The following EYS variants were observed in gnomAD, a reference collection of about 807,000 sequenced individuals.
EYS encodes the protein EGF-like photoreceptor maintenance factor.
A neutral mutation model predicts 282.1 loss-of-function variants in EYS; 250 were observed. The ratio of observed to expected loss-of-function variants is 0.89; its 90% confidence interval spans 0.80 to 0.98. The LOEUF is 0.98. Ranked by LOEUF, EYS falls within the 50% of genes least tolerant of loss-of-function variation. The pLI, the probability that EYS is intolerant of heterozygous loss-of-function variation, is 0.00. For synonymous variants in EYS, 1,355 were observed against 1,282.9 expected, an observed-to-expected ratio of 1.06 and a Z score of -1.20; for missense variants, 4,016 against 3,709.0, an observed-to-expected ratio of 1.08 and a Z score of -2.15.
intron 41 of EYS, among the ~76,000 whole-genome samples, chr6:63,753,142 A>C (rs201867599): frequency 2.5e-4 from 2 of 8,150 alleles, no homozygotes; most frequent in South Asian, 5.6e-3. Flanking sequence ...GTGTGTGTGT[A>C]TATATATATA....
In EYS at chr6:65,367,065, A is replaced by G. The variant is rs188859697; in HGVS notation, c.1300-13448T>C. Among the ~76,000 whole-genome samples, 106 of 151,768 alleles carry G rather than the reference A, an allele frequency of 7.0e-4. 1 individual carries two copies. The highest frequency in any genetic ancestry group is 2.3e-3 in the African/African-American group (96 of 41,522). On this transcript the variant is annotated intron_variant, in intron 8 of 42. Coordinates refer to ENST00000503581, the MANE Select transcript of EYS (RefSeq NM_001142800.2). ...AGTCCTTTTTGCCATGTTAGATAAC[A>G]TCCATAGGTTATGGGGATTAGGACA...
chr6:64,235,730 T>C (rs1389648793), intron 30 of EYS, among the ~76,000 whole-genome samples: 6 of 152,176 alleles, frequency 3.9e-5, no homozygotes, highest in Non-Finnish European at 7.3e-5. Flanking sequence ...TTCCAATTTC[T>C]CCATATCCTC....
chr6:64,852,294 T>C (rs1562225707), intron 19 of EYS, among the ~76,000 whole-genome samples: 1 of 152,134 alleles, frequency 6.6e-6, no homozygotes, highest in East Asian at 1.9e-4. Context: ...GTGGGGACCA[T>C]GTAATCAGCT....
intron 19 of EYS, among the ~76,000 whole-genome samples, chr6:64,873,269 T>C (rs9354181): frequency 0.094 from 14,262 of 152,058 alleles, 856 homozygotes; most frequent in East Asian, 0.32. Flanking sequence ...GTGAGACTTA[T>C]TCACTATCAT....
At chr6:64,287,959 G>A (rs1024689463) in intron 30 of EYS, among the ~76,000 whole-genome samples, 2 of 152,096 alleles carry the variant, frequency 1.3e-5, no homozygotes, top group African/African-American at 4.8e-5. Flanking sequence ...GTGAACTAAT[G>A]TGTTCCTAAG....
At chr6:64,153,055 C>T (rs191176167) in intron 31 of EYS, among the ~76,000 whole-genome samples, 126 of 152,198 alleles carry the variant, frequency 8.3e-4, no homozygotes, top group Middle Eastern at 3.4e-3. Context: ...AAGTGTATAA[C>T]GCCTAATAAT....
chr6:65,519,586 T>C, intron 2 of EYS, among the ~76,000 whole-genome samples: 1 of 147,330 alleles, frequency 6.8e-6, no homozygotes, highest in Non-Finnish European at 1.5e-5. Context: ...ATATTTTTCA[T>C]GAAATATCAC....
intron 1 of EYS, among the ~76,000 whole-genome samples, chr6:65,644,128 AG>A: frequency 6.6e-6 from 1 of 152,176 alleles, no homozygotes; most frequent in African/African-American, 2.4e-5. Context: ...CTCATCAATG[AG>A]GCATCAGAGT....
intron 2 of EYS, among the ~76,000 whole-genome samples, chr6:65,624,486 T>C (rs561971849): frequency 6.6e-6 from 1 of 152,264 alleles, no homozygotes; most frequent in South Asian, 2.1e-4. Flanking sequence ...ATGGTTAATA[T>C]TGAGTGTCAG....
intron 30 of EYS, among the ~76,000 whole-genome samples, chr6:64,271,817 A>G (rs1767948525): frequency 1.3e-5 from 2 of 151,800 alleles, no homozygotes; most frequent in Non-Finnish European, 1.5e-5. Flanking sequence ...CTGATACTAA[A>G]TATTCCCTAT....
intron 39 of EYS, among the ~76,000 whole-genome samples, chr6:63,783,482 C>A (rs957648366): frequency 1.3e-5 from 2 of 152,192 alleles, no homozygotes; most frequent in East Asian, 1.9e-4. Flanking sequence ...GTGAAAGCAC[C>A]ATTCCAGGTG....
At chr6:64,824,666 G>A (rs1217115581) in intron 19 of EYS, among the ~76,000 whole-genome samples, 2 of 151,730 alleles carry the variant, frequency 1.3e-5, no homozygotes, top group Non-Finnish European at 2.9e-5. Flanking sequence ...AAAAGTGTGG[G>A]GGCAGGGACA....
chr6:63,831,994 A>G (rs953142343), intron 36 of EYS, among the ~76,000 whole-genome samples: 2 of 152,228 alleles, frequency 1.3e-5, no homozygotes, highest in Non-Finnish European at 2.9e-5. Context: ...TGAAGGCAGA[A>G]ATAAAGATGT....
intron 12 of EYS, among the ~76,000 whole-genome samples, chr6:65,195,601 AT>A (rs1765746362): frequency 6.6e-6 from 1 of 152,018 alleles, no homozygotes; most frequent in African/African-American, 2.4e-5. Flanking sequence ...ACATCAGAAC[AT>A]TATTCTTACT....
At chr6:65,217,206 C>T (rs916482071) in intron 12 of EYS, among the ~76,000 whole-genome samples, 2 of 152,010 alleles carry the variant, frequency 1.3e-5, no homozygotes, top group African/African-American at 4.8e-5. Flanking sequence ...GGATTGTCAG[C>T]TGGAATCCAA....
chr6:64,050,594 A>T (rs932800094), intron 33 of EYS, among the ~76,000 whole-genome samples: 6 of 152,070 alleles, frequency 3.9e-5, no homozygotes, highest in African/African-American at 1.4e-4. Flanking sequence ...CTTTCCTAGT[A>T]CTGGGGGCTG....
intron 22 of EYS, among the ~76,000 whole-genome samples, chr6:64,797,875 C>G (rs896646166): frequency 6.6e-6 from 1 of 151,936 alleles, no homozygotes; most frequent in South Asian, 2.1e-4. Flanking sequence ...ATGTTGCCAA[C>G]AAGCCAGATG....
At chr6:65,286,452 C>T (rs1021185492) in intron 12 of EYS, among the ~76,000 whole-genome samples, 1 of 151,654 alleles carries the variant, frequency 6.6e-6, no homozygotes, top group South Asian at 2.1e-4. Flanking sequence ...AAGACAGATT[C>T]TTGATTAAAT....
chr6:63,879,929 A>T (rs1211306998), intron 35 of EYS, among the ~76,000 whole-genome samples: 3 of 152,110 alleles, frequency 2.0e-5, no homozygotes, highest in African/African-American at 7.2e-5. Flanking sequence ...TTTTTTCCTT[A>T]GGTTATTGTT....
Sources: allele counts gnomAD v4.1 joint callset (sites outside exome capture counted in the v4.1 genomes callset), GRCh38; gene constraint gnomAD v4.1.1; transcripts MANE v1.5; gene names NCBI Gene and HGNC (gene_info 2026-07-23, HGNC 2026-07-21).